SLIT3: variants seen among roughly 807,000 people sequenced by gnomAD.
SLIT3 encodes the protein slit homolog 3 protein.
SLIT3 carries 68 observed loss-of-function variants against 184.0 expected under a neutral mutation model. The ratio of observed to expected loss-of-function variants is 0.37; its 90% CI spans 0.30 to 0.45. The LOEUF (loss-of-function observed/expected upper bound fraction) is 0.45. SLIT3 is among the 20% of genes least tolerant of loss of function. The pLI is 1.00. For missense variants in SLIT3, 1,707 were observed against 2,026.0 expected (o/e 0.84, Z 3.02); for synonymous variants, 831 against 828.6 (o/e 1.00, Z -0.05).
chr5:169,003,287 T>C (rs1755783423), intron 4 of SLIT3, among the ~76,000 whole-genome samples: 1 of 152,222 alleles, frequency 6.6e-6, no homozygotes, highest in Admixed American at 6.5e-5. Context: ...TTGCAGAATA[T>C]GGGCCCTAGC....
chr5:169,101,118 T>C (rs1759995948), intron 4 of SLIT3, among the ~76,000 whole-genome samples: 2 of 152,210 alleles, frequency 1.3e-5, no homozygotes, highest in Admixed American at 1.3e-4. Context: ...AAGTTAGTGT[T>C]TCCACTTTGA....
At chr5:168,979,086 A>T (rs2013511163) in intron 4 of SLIT3, among the ~76,000 whole-genome samples, 1 of 152,196 alleles carries the variant, frequency 6.6e-6, no homozygotes, top group African/African-American at 2.4e-5. Flanking sequence ...CCCATAAATG[A>T]GGAGACTATC....
intron 4 of SLIT3, among the ~76,000 whole-genome samples, chr5:168,931,947 T>G (rs1737684430): frequency 1.3e-5 from 2 of 152,202 alleles, no homozygotes; most frequent in Non-Finnish European, 2.9e-5. Flanking sequence ...TCTACTCTTC[T>G]GAGTAACAGA....
intron 4 of SLIT3, among the ~76,000 whole-genome samples, chr5:169,016,568 A>G (rs1479651833): frequency 6.6e-6 from 1 of 152,246 alleles, no homozygotes; most frequent in Non-Finnish European, 1.5e-5. Flanking sequence ...TTAAAAACAT[A>G]TAATACATGT....
intron 4 of SLIT3, among the ~76,000 whole-genome samples, chr5:168,994,384 C>T (rs973340031): frequency 2.6e-5 from 4 of 151,996 alleles, no homozygotes; most frequent in Admixed American, 1.3e-4. Flanking sequence ...ATTTATTTTC[C>T]ACACTTTTCC....
At chr5:168,674,026 G>C (rs756789965) in intron 32 of SLIT3, among the ~76,000 whole-genome samples, 4 of 152,128 alleles carry the variant, frequency 2.6e-5, no homozygotes, top group Non-Finnish European at 4.4e-5. Context: ...CTAAAAAATA[G>C]TTTTGATGTG....
intron 5 of SLIT3, among the ~76,000 whole-genome samples, chr5:168,877,045 GC>G (rs1221197340): frequency 1.3e-4 from 20 of 152,144 alleles, no homozygotes; most frequent in Admixed American, 1.2e-3. Context: ...CTTTACTCCT[GC>G]CATGAACCAT....
chr5:169,055,330 AAC>A (rs1296063732), intron 4 of SLIT3, among the ~76,000 whole-genome samples: 1 of 152,240 alleles, frequency 6.6e-6, no homozygotes, highest in African/African-American at 2.4e-5. Context: ...ATAGAAACAA[AAC>A]ACAGTAATAC....
intron 27 of SLIT3, among the ~76,000 whole-genome samples, chr5:168,698,766 G>A (rs1406734729): frequency 6.6e-6 from 1 of 152,066 alleles, no homozygotes; most frequent in Non-Finnish European, 1.5e-5. Context: ...GACTGCATAC[G>A]AGCTCTCCCA....
rs745659910 is a variant in SLIT3 at position 168,722,948 on chromosome 5, G to C, written c.2396C>G (p.Ser799Cys). The C allele has an allele frequency of 9.9e-6, 16 of 1,613,372 alleles. No individual in the cohort carries two copies. The highest frequency in any genetic ancestry group is 1.4e-5 in the Non-Finnish European group (16 of 1,179,294). Residue 799 changes from serine to cysteine, a missense_variant, in exon 22 of 36, where the codon TCT becomes TGT. Transcript: ENST00000519560. ...MLTNYTFSNM[S>C]HLSTLILSYN... The stretch of plus-strand genomic sequence containing the variant: ...GTGTACTCACAGAGTGGAGAGGTGA[G>C]ACATGTTACTGAAGGTGTAATTGGT...
chr5:169,023,767 G>A (rs1459636747), intron 4 of SLIT3: 1 of 152,208 alleles, frequency 6.6e-6, no homozygotes, highest in African/African-American at 2.4e-5. Flanking sequence ...GGCTGTGTGT[G>A]GGTGGGAGTG....
At chr5:168,862,281 C>T (rs114056169) in intron 5 of SLIT3, among the ~76,000 whole-genome samples, 1,775 of 152,170 alleles carry the variant, frequency 0.012, 27 homozygotes, top group African/African-American at 0.039. Flanking sequence ...AGGTGATGAG[C>T]GCACCAAAAT....
At position 168,685,879 on chromosome 5, in the gene SLIT3, G is replaced by C; in HGVS notation, c.3363C>G (p.Ser1121Arg). ...HPPPMVLLQT[S>R]PCDQYECQNG... ...TCTGGCACTCGTACTGGTCGCATGG[G>C]CTGGTCTGCAGTAGGACCATGGGTG... The change falls in exon 31 of 36, where the codon AGC becomes AGG. Residue 1121 changes from serine (S) to arginine (R), a missense_variant. By Grantham distance (110) the Ser-to-Arg change is moderately radical (BLOSUM62 -1). Transcript: ENST00000519560. The C allele has an allele frequency of 6.2e-7, 1 of 1,613,742 alleles. No homozygotes were observed.
intron 4 of SLIT3, among the ~76,000 whole-genome samples, chr5:168,966,561 T>C (rs1226289685): frequency 6.6e-6 from 1 of 152,186 alleles, no homozygotes; most frequent in Non-Finnish European, 1.5e-5. Context: ...AGCTTCTTCT[T>C]GAGTCTACAT....
intron 4 of SLIT3, among the ~76,000 whole-genome samples, chr5:168,997,392 T>C (rs1206707788): frequency 2.6e-5 from 4 of 152,132 alleles, no homozygotes; most frequent in Non-Finnish European, 5.9e-5. Flanking sequence ...AAAGAGGATT[T>C]GGGGTTCTGG....
chr5:169,300,611 G>A lies in SLIT3; in HGVS notation c.99C>T (p.Ala33=). ...CGGAGCAGGTACACTTGGTGGGGCAGGCGACGGCTGGAGGCCCACTCAGGA... is the reference window on the plus strand; with the variant it reads ...CGGAGCAGGTACACTTGGTGGGGCAAGCGACGGCTGGAGGCCCACTCAGGA... The part of the protein sequence containing the change: ...ASVLSGPPAV[A]CPTKCTCSAA... The change falls in exon 1 of 36, where the codon GCC becomes GCT. Residue 33 remains alanine, a synonymous_variant. Coordinates refer to ENST00000519560, the MANE Select transcript of SLIT3 (RefSeq NM_003062.4). This position sits in a 1 kb window ranked among gnomAD's most constrained non-coding sequence, Gnocchi z 4.1. 6.6e-7 allele frequency: 1 copy of A among 1,505,884 alleles called. No individual in the cohort carries two copies. Among genetic ancestry groups the A allele is most frequent in the Non-Finnish European group, 8.8e-7 (1 of 1,132,246 alleles). 93.3% of individuals were successfully genotyped at this position (1,505,884 alleles called of 1,614,324 possible).
chr5:169,277,391 C>A (rs1475727069), intron 1 of SLIT3, among the ~76,000 whole-genome samples: 2 of 152,110 alleles, frequency 1.3e-5, no homozygotes, highest in East Asian at 3.9e-4. Flanking sequence ...CCACTATGCC[C>A]AGCTAAGTTT....
chr5:168,700,748 C>A (rs551366863), intron 26 of SLIT3, 69 bp from the exon 27 acceptor site: 25 of 1,106,020 alleles, frequency 2.3e-5, no homozygotes, highest in Non-Finnish European at 3.4e-5. Flanking sequence ...CCAGGGGACT[C>A]CAGGGGTTCC....
At chr5:168,761,706 G>A (rs985733046) in intron 15 of SLIT3, among the ~76,000 whole-genome samples, 5 of 151,898 alleles carry the variant, frequency 3.3e-5, no homozygotes, top group Admixed American at 3.3e-4. Context: ...TGTCCTCCAC[G>A]AGGCTATAAC....
Sources: allele counts gnomAD v4.1 joint callset (sites outside exome capture counted in the v4.1 genomes callset), GRCh38; gene constraint gnomAD v4.1.1; non-coding constraint Gnocchi (gnomAD v3.1); transcripts MANE v1.5; gene names NCBI Gene and HGNC (gene_info 2026-07-23, HGNC 2026-07-21).